SMYD3: variants seen among roughly 807,000 people sequenced by gnomAD.
SMYD3 encodes SET and MYND domain containing 3.
Under a neutral mutation model 57.7 loss-of-function variants are expected in SMYD3, and 36 were observed. The observed-to-expected ratio is 0.62, with a 90% CI of 0.48 to 0.82. The LOEUF (loss-of-function observed/expected upper bound fraction) is 0.82, where lower values mean the gene tolerates loss of function less well. SMYD3 is among the 40% of genes least tolerant of loss of function. The probability of loss-of-function intolerance (pLI) is 0.00; values close to 1 mark genes in which losing one functional copy is unlikely to be tolerated. For missense variants in SMYD3, 515 were observed against 538.8 expected, an observed-to-expected ratio of 0.96 and a Z score of 0.44; for synonymous variants, 211 against 195.0, an observed-to-expected ratio of 1.08 and a Z score of -0.68.
At chr1:246,247,461 CTCTCTATA>C (rs1427438431) in intron 5 of SMYD3, among the ~76,000 whole-genome samples, 1 of 95,998 alleles carries the variant, frequency 1.0e-5, no homozygotes, top group African/African-American at 4.0e-5. Context: ...CTCTCTCTCT[CTCTCTATA>C]TATATATATA....
chr1:246,094,904 C>T (rs2060886452), intron 5 of SMYD3, among the ~76,000 whole-genome samples: 1 of 152,128 alleles, frequency 6.6e-6, no homozygotes, highest in Non-Finnish European at 1.5e-5. Context: ...CTTGCCATTC[C>T]CTCCCTCCAT....
chr1:245,900,686 G>A (rs2148613551), intron 8 of SMYD3, among the ~76,000 whole-genome samples: 1 of 152,276 alleles, frequency 6.6e-6, no homozygotes, highest in East Asian at 1.9e-4. Flanking sequence ...CAGCCCAGAT[G>A]TCACCTGTTA....
At chr1:246,421,119 T>C (rs1572485670) in intron 1 of SMYD3, among the ~76,000 whole-genome samples, 2 of 152,326 alleles carry the variant, frequency 1.3e-5, no homozygotes, top group East Asian at 3.9e-4. Flanking sequence ...TAATCGAAAT[T>C]ACTAATTACA....
At chr1:246,373,130 C>A (rs1190815462) in intron 1 of SMYD3, among the ~76,000 whole-genome samples, 3 of 152,102 alleles carry the variant, frequency 2.0e-5, no homozygotes, top group African/African-American at 7.2e-5. Flanking sequence ...AAGAAATAGA[C>A]CAAAATATTG....
intron 1 of SMYD3, among the ~76,000 whole-genome samples, chr1:246,412,474 AAT>A (rs2066991906): frequency 6.6e-6 from 1 of 152,226 alleles, no homozygotes; most frequent in African/African-American, 2.4e-5. Context: ...CATTGAAAAA[AAT>A]AGATTCCAAT....
chr1:245,754,793 A>G (rs371890375), intron 11 of SMYD3, among the ~76,000 whole-genome samples: 154 of 152,340 alleles, frequency 1.0e-3, no homozygotes, highest in South Asian at 7.2e-3. Flanking sequence ...TAATGAATAA[A>G]ACTTGGCCCT....
At chr1:246,228,490 T>G (rs1334664295) in intron 5 of SMYD3, among the ~76,000 whole-genome samples, 1 of 152,202 alleles carries the variant, frequency 6.6e-6, no homozygotes, top group African/African-American at 2.4e-5. Context: ...GGTTCTGATT[T>G]CCACTCTACT....
intron 8 of SMYD3, among the ~76,000 whole-genome samples, chr1:245,882,842 G>A (rs575854338): frequency 6.6e-6 from 1 of 152,326 alleles, no homozygotes; most frequent in African/African-American, 2.4e-5. Flanking sequence ...CTGGATGGCA[G>A]GAGTAGTAAT....
At position 246,273,402 on chromosome 1, in the gene SMYD3, G is replaced by A. The variant is rs12063968; in HGVS notation, c.531+53799C>T. On this transcript the variant is annotated intron_variant, in intron 5 of 11. Coordinates refer to ENST00000490107, the MANE Select transcript of SMYD3 (RefSeq NM_001167740.2). Reference sequence around the variant, plus strand: ...TGACCTCAAGTGACCCACCCACCTCGGCCTCCCAAAGTGCTGGGATTACAG... The same window carrying A: ...TGACCTCAAGTGACCCACCCACCTCAGCCTCCCAAAGTGCTGGGATTACAG... 4.6e-4 allele frequency among the ~76,000 whole-genome samples: 70 copies of A among 151,242 alleles called. 2 individuals carry two copies. Among genetic ancestry groups the A allele is most frequent in the African/African-American group, 1.6e-3 (67 of 41,278 alleles).
At chr1:246,112,113 G>A (rs1398041209) in intron 5 of SMYD3, among the ~76,000 whole-genome samples, 1 of 152,158 alleles carries the variant, frequency 6.6e-6, no homozygotes, top group Non-Finnish European at 1.5e-5. Context: ...CTGCCCTTCA[G>A]AGCAACCTTC....
intron 5 of SMYD3, among the ~76,000 whole-genome samples, chr1:245,983,696 GT>G (rs1174877806): frequency 6.6e-6 from 1 of 152,112 alleles, no homozygotes; most frequent in East Asian, 1.9e-4. Flanking sequence ...TCTCCTGAAA[GT>G]ATCCAAAGAT....
In SMYD3 at chr1:246,358,292, C is replaced by A. The variant is rs946998793; in HGVS notation, c.165-3198G>T. ...ATCCAAAATATATATGCACCTAACA[C>A]TGGAGCTCCCAAATTTATAAAACAA... On this transcript the variant is annotated intron_variant, in intron 1 of 11. Transcript: ENST00000490107. 1.1e-4 allele frequency among the ~76,000 whole-genome samples: 16 copies of A among 152,278 alleles called. 1 individual carries two copies. Among genetic ancestry groups the A allele is most frequent in the African/African-American group, 3.9e-4 (16 of 41,558 alleles).
Position 246,244,919 on chromosome 1 carries a change from T to C in SMYD3, c.531+82282A>G, listed in dbSNP as rs537995847. Among the ~76,000 whole-genome samples the C allele has an allele frequency of 5.3e-5, 8 of 152,332 alleles. 1 individual carries two copies. Among genetic ancestry groups the C allele is most frequent in the African/African-American group, 1.9e-4 (8 of 41,580 alleles). On this transcript the variant is annotated intron_variant, in intron 5 of 11. Coordinates refer to ENST00000490107, the MANE Select transcript of SMYD3 (RefSeq NM_001167740.2). ...TGAACTATTCTGAATACATACCAAATGATACCCCAGTGATCTTCAAAACGC... is the reference window on the plus strand; with the variant it reads ...TGAACTATTCTGAATACATACCAAACGATACCCCAGTGATCTTCAAAACGC...
intron 1 of SMYD3, among the ~76,000 whole-genome samples, chr1:246,504,913 T>C (rs998411094): frequency 6.6e-6 from 1 of 152,234 alleles, no homozygotes. Flanking sequence ...GGCAGAAAAC[T>C]GCATCAAACA....
chr1:246,440,544 T>C (rs905757357), intron 1 of SMYD3, among the ~76,000 whole-genome samples: 7 of 152,154 alleles, frequency 4.6e-5, no homozygotes, highest in African/African-American at 1.7e-4. Flanking sequence ...TTTATAAAAG[T>C]ATTTTCAGGC....
At chr1:246,145,002 T>G (rs150502615) in intron 5 of SMYD3, among the ~76,000 whole-genome samples, 32 of 152,360 alleles carry the variant, frequency 2.1e-4, no homozygotes, top group African/African-American at 7.7e-4. Flanking sequence ...AACACAGGCT[T>G]GAAAATCTGA....
intron 5 of SMYD3, among the ~76,000 whole-genome samples, chr1:246,280,775 C>T (rs1472733560): frequency 1.3e-5 from 2 of 152,106 alleles, no homozygotes; most frequent in Non-Finnish European, 1.5e-5. Flanking sequence ...CCCTGCTGGC[C>T]TCATCTTTTC....
At chr1:246,131,302 C>T (rs989944539) in intron 5 of SMYD3, among the ~76,000 whole-genome samples, 16 of 152,210 alleles carry the variant, frequency 1.1e-4, no homozygotes, top group African/African-American at 3.6e-4. Flanking sequence ...TAACAAAACA[C>T]TGTGTACATG....
intron 7 of SMYD3, among the ~76,000 whole-genome samples, chr1:245,916,465 C>A (rs1390770457): frequency 6.6e-6 from 1 of 152,202 alleles, no homozygotes; most frequent in Non-Finnish European, 1.5e-5. Context: ...ATCTTCCCCT[C>A]AACCTGTTCC....
Sources: gnomAD v4.1 joint callset for allele counts (sites outside exome capture counted in the v4.1 genomes callset) on GRCh38, gnomAD v4.1.1 for gene constraint, MANE v1.5 for transcripts, NCBI Gene and HGNC (gene_info 2026-07-23, HGNC 2026-07-21) for gene names.